The following TNNI3K variants were observed in gnomAD, a reference collection of about 807,000 sequenced individuals.
The protein encoded by TNNI3K is TNNI3 interacting kinase, also known as serine/threonine-protein kinase TNNI3K.
A neutral mutation model predicts 114.5 loss-of-function variants in TNNI3K; 140 were observed. The ratio of observed to expected loss-of-function variants is 1.22; its 90% CI spans 1.07 to 1.41. TNNI3K has a LOEUF of 1.41. Among genes scored for constraint, TNNI3K ranks in the 40% most tolerant of loss-of-function variants. TNNI3K has a pLI of 0.00. For synonymous variants in TNNI3K, 347 were observed against 347.5 expected (o/e 1.00, Z 0.02); for missense variants, 1,125 against 1,007.6 (o/e 1.12, Z -1.58).
At chr1:74,343,286 G>T in intron 9 of TNNI3K, 107 bp downstream of exon 9, 1 of 1,214,538 alleles carries the variant, frequency 8.2e-7, no homozygotes, top group Non-Finnish European at 1.2e-6. Context: ...GTTGCAATCA[G>T]AGAGCAATAG....
intron 17 of TNNI3K, among the ~76,000 whole-genome samples, chr1:74,427,090 A>G (rs1161700759): frequency 2.0e-5 from 3 of 151,992 alleles, no homozygotes; most frequent in East Asian, 1.9e-4. Context: ...CATTTCTGCT[A>G]TGTAGATTTT....
At chr1:74,268,542 A>G (rs1656152581) in intron 4 of TNNI3K, among the ~76,000 whole-genome samples, 1 of 151,010 alleles carries the variant, frequency 6.6e-6, no homozygotes, top group Non-Finnish European at 1.5e-5. Flanking sequence ...AGGAAGAGGT[A>G]AAGGGAAAGG....
At chr1:74,480,122 AAAG>A (rs1410287169) in intron 21 of TNNI3K, 2 of 692,686 alleles carry the variant, frequency 2.9e-6, no homozygotes, top group Non-Finnish European at 5.3e-6. Flanking sequence ...AGAGAAGAGA[AAAG>A]AGGAGGGCAC....
rs760873813 is a variant in TNNI3K, at chr1:74,354,113, G to T, written c.1161G>T (p.Met387Ile). 6.2e-7 allele frequency: 1 copy of T among 1,614,032 alleles called. No individual in the cohort carries two copies. Among genetic ancestry groups the T allele is most frequent in the South Asian group, 1.1e-5 (1 of 91,080 alleles). The change falls in exon 11 of 25, where the codon ATG becomes ATT. Residue 387 changes from methionine (M) to isoleucine (I), a missense_variant. Met to Ile is a conservative substitution (Grantham distance 10). Coordinates refer to ENST00000326637, the MANE Select transcript of TNNI3K (RefSeq NM_015978.3). The part of the protein sequence containing the change: ...SGEKDEQTCL[M>I]WAYEKGHDAI... Reference sequence around the variant, plus strand: ...AAAAAGATGAGCAGACATGTTTGATGTGGGCTTATGAAAAAGGTATATTTT... The same window carrying T: ...AAAAAGATGAGCAGACATGTTTGATTTGGGCTTATGAAAAAGGTATATTTT...
At chr1:74,446,473 T>A (rs1666686309) in intron 20 of TNNI3K, among the ~76,000 whole-genome samples, 1 of 149,204 alleles carries the variant, frequency 6.7e-6, no homozygotes. Flanking sequence ...GCGAAAATTT[T>A]CTCCCATTTT....
At chr1:74,404,888 G>C (rs1664542877) in intron 17 of TNNI3K, among the ~76,000 whole-genome samples, 1 of 151,996 alleles carries the variant, frequency 6.6e-6, no homozygotes, top group African/African-American at 2.4e-5. Context: ...TTTGATGATT[G>C]GTTGCTTCAT....
chr1:74,477,805 A>G (rs1275791190), intron 21 of TNNI3K, among the ~76,000 whole-genome samples: 2 of 152,270 alleles, frequency 1.3e-5, no homozygotes, highest in African/African-American at 4.8e-5. Flanking sequence ...AGACGTTTGA[A>G]TTTTCTTTGC....
At chr1:74,319,632 G>A (rs1659502057) in intron 5 of TNNI3K, among the ~76,000 whole-genome samples, 1 of 152,138 alleles carries the variant, frequency 6.6e-6, no homozygotes, top group Non-Finnish European at 1.5e-5. Flanking sequence ...ACATGGCCTG[G>A]CAAGTAGATA....
intron 17 of TNNI3K, among the ~76,000 whole-genome samples, chr1:74,395,632 G>C (rs1340626724): frequency 6.6e-6 from 1 of 152,168 alleles, no homozygotes; most frequent in Non-Finnish European, 1.5e-5. Flanking sequence ...TACGAAGCGA[G>C]TGCAGAGTCC....
chr1:74,263,246 A>C (rs1655781978), intron 4 of TNNI3K, among the ~76,000 whole-genome samples: 1 of 152,058 alleles, frequency 6.6e-6, no homozygotes, highest in Non-Finnish European at 1.5e-5. Context: ...CCTAATATTT[A>C]AATGCTGGCC....
chr1:74,538,491 C>A (rs1200876575), intron 23 of TNNI3K, among the ~76,000 whole-genome samples: 3 of 152,086 alleles, frequency 2.0e-5, no homozygotes, highest in Admixed American at 1.3e-4. Flanking sequence ...AAACAATTCC[C>A]CACCCTCATT....
chr1:74,439,663 T>G, intron 20 of TNNI3K, 41 bp downstream of exon 20: 1 of 1,597,508 alleles, frequency 6.3e-7, no homozygotes, highest in East Asian at 2.2e-5. Context: ...TTTTACAGAG[T>G]TCACTGGATT....
At chr1:74,484,321 C>T (rs927767560) in intron 21 of TNNI3K, among the ~76,000 whole-genome samples, 13 of 152,010 alleles carry the variant, frequency 8.6e-5, no homozygotes, top group Admixed American at 6.6e-4. Flanking sequence ...TTAATTCTAT[C>T]ATTTGTTCAA....
rs1371308364 is a variant in TNNI3K, at chr1:74,370,181, C to CA, written c.1668-101dup. 4.1e-4 allele frequency: 407 copies of CA among 987,652 alleles called. 4 individuals are homozygous for CA. The highest frequency in any genetic ancestry group is 8.3e-5 in the Non-Finnish European group (60 of 719,452). 61.2% of individuals were successfully genotyped at this position (987,652 alleles called of 1,614,324 possible). On this transcript the variant is annotated intron_variant, in intron 16 of 24. Transcript: ENST00000326637. ...AATTTCTAGCTTAACCTTCAAGAAA[C>CA]AAAAAATGGTTAAGATGATATAAAA...
intron 21 of TNNI3K, chr1:74,483,395 C>A (rs544739201): frequency 1.4e-6 from 1 of 715,732 alleles, no homozygotes; most frequent in South Asian, 1.5e-5. Context: ...AAGTAGAGGG[C>A]AATGTATATC....
chr1:74,441,158 A>G (rs1666359453), intron 20 of TNNI3K, among the ~76,000 whole-genome samples: 1 of 152,100 alleles, frequency 6.6e-6, no homozygotes, highest in Non-Finnish European at 1.5e-5. Context: ...TAATAAATAT[A>G]TACAGCTGTA....
Position 74,381,586 on chromosome 1 carries a change from T to C in TNNI3K, c.1772+11194T>C, listed in dbSNP as rs537606429. Among the ~76,000 whole-genome samples, 6 of 152,254 alleles carry C rather than the reference T, an allele frequency of 3.9e-5. No individual in the cohort carries two copies. In the South Asian group the frequency reaches 6.2e-4, roughly 16 times the overall value. On this transcript the variant is annotated intron_variant, in intron 17 of 24. Coordinates refer to ENST00000326637, the MANE Select transcript of TNNI3K (RefSeq NM_015978.3). ...AAAGATCTGGGAAATAATTGGATTG[T>C]TTTACTGTAGATCTCTTTCTATAGA...
At chr1:74,471,888 G>T in intron 21 of TNNI3K, 1 of 482,224 alleles carries the variant, frequency 2.1e-6, no homozygotes, top group East Asian at 3.2e-5. Context: ...ATTGCTCACA[G>T]GGCACATATT....
At chr1:74,250,793 A>C in intron 4 of TNNI3K, 24 bp downstream of exon 4, 6 of 1,576,044 alleles carry the variant, frequency 3.8e-6, no homozygotes, top group Non-Finnish European at 5.2e-6. Context: ...ATTCCCATAA[A>C]CACTGCATTG....
Sources: gnomAD v4.1 joint callset for allele counts (sites outside exome capture counted in the v4.1 genomes callset) on GRCh38, gnomAD v4.1.1 for gene constraint, MANE v1.5 for transcripts, NCBI Gene and HGNC (gene_info 2026-07-23, HGNC 2026-07-21) for gene names.